WWOX: variants seen among roughly 807,000 people sequenced by gnomAD.
The protein encoded by WWOX is WW domain containing oxidoreductase.
In WWOX, 69 loss-of-function variants were observed where a neutral mutation model predicts 46.2. The observed-to-expected ratio is 1.49, with a 90% CI of 1.23 to 1.82. WWOX has a LOEUF of 1.82. WWOX is among the 40% of genes most tolerant of loss of function. The pLI is 0.00. For synonymous variants in WWOX, 359 were observed against 202.6 expected (o/e 1.77, Z -6.56); for missense variants, 919 against 542.6 (o/e 1.69, Z -6.89).
At chr16:78,839,949 C>G (rs1444726823) in intron 8 of WWOX, among the ~76,000 whole-genome samples, 2 of 152,166 alleles carry the variant, frequency 1.3e-5, no homozygotes, top group Non-Finnish European at 2.9e-5. Context: ...ATATTATTAG[C>G]TAGTGACTTG....
chr16:78,668,157 G>A (rs570369112), intron 8 of WWOX, among the ~76,000 whole-genome samples: 2 of 152,272 alleles, frequency 1.3e-5, no homozygotes, highest in East Asian at 3.9e-4. Flanking sequence ...GCACATGCCT[G>A]TAATCCCAGC....
At chr16:78,764,694 A>T (rs1332321461) in intron 8 of WWOX, among the ~76,000 whole-genome samples, 1 of 150,246 alleles carries the variant, frequency 6.7e-6, no homozygotes, top group Admixed American at 6.7e-5. Flanking sequence ...CAGTTTCCTC[A>T]TCTGCAAAAT....
chr16:78,955,465 C>T (rs148506411), intron 8 of WWOX, among the ~76,000 whole-genome samples: 1,587 of 152,192 alleles, frequency 0.01, 12 homozygotes, highest in Middle Eastern at 0.017. Context: ...TTTACTGGAG[C>T]ATGTGAGGGT....
chr16:78,908,231 G>T (rs1004451963), intron 8 of WWOX, among the ~76,000 whole-genome samples: 2 of 152,034 alleles, frequency 1.3e-5, no homozygotes, highest in Non-Finnish European at 2.9e-5. Flanking sequence ...ATCAAGACAG[G>T]GGGATTGCCA....
chr16:78,944,858 A>C lies in WWOX; in HGVS notation c.1057-266750A>C, dbSNP rs147607027. Among the ~76,000 whole-genome samples, 956 of 152,222 alleles carry C rather than the reference A, an allele frequency of 6.3e-3. 7 individuals carry two copies. Among genetic ancestry groups the C allele is most frequent in the Non-Finnish European group, 8.8e-3 (598 of 68,010 alleles). ...CCCTGGTAATTCACCTGGGTCCAGA[A>C]CACAGAAGGGAGATTCTAATTGAAA... On this transcript the variant is annotated intron_variant, in intron 8 of 8. Transcript: ENST00000566780.
intron 8 of WWOX, among the ~76,000 whole-genome samples, chr16:78,785,561 A>G (rs924332173): frequency 7.4e-5 from 11 of 147,696 alleles, no homozygotes; most frequent in African/African-American, 3.0e-4. Context: ...TACAAATAAG[A>G]AGAAGAATAG....
At chr16:78,109,862 C>T in intron 3 of WWOX, 27 bp downstream of exon 3, 1 of 1,613,796 alleles carries the variant, frequency 6.2e-7, no homozygotes, top group Non-Finnish European at 8.5e-7. Flanking sequence ...AAACCACTCT[C>T]AGCTGTTTTG....
At chr16:79,073,489 T>C (rs1018194708) in intron 8 of WWOX, among the ~76,000 whole-genome samples, 1 of 152,132 alleles carries the variant, frequency 6.6e-6, no homozygotes, top group Non-Finnish European at 1.5e-5. Context: ...TTTGTTATTA[T>C]AGAGTTATAT....
chr16:78,327,250 A>T (rs896786329), intron 5 of WWOX, among the ~76,000 whole-genome samples: 4 of 152,200 alleles, frequency 2.6e-5, no homozygotes, highest in African/African-American at 9.6e-5. Flanking sequence ...ATCGGGAAAG[A>T]AATCACTCTG....
intron 8 of WWOX, among the ~76,000 whole-genome samples, chr16:78,689,634 G>C (rs1424474333): frequency 1.3e-5 from 2 of 152,028 alleles, no homozygotes; most frequent in Non-Finnish European, 2.9e-5. Flanking sequence ...GGTTAAGTTG[G>C]AATACTCCTA....
chr16:79,126,543 C>T (rs1007983971), intron 8 of WWOX, among the ~76,000 whole-genome samples: 1 of 152,130 alleles, frequency 6.6e-6, no homozygotes, highest in African/African-American at 2.4e-5. Flanking sequence ...CTTGCTTCCC[C>T]TTCGTCTTCT....
rs1004657671 is a variant in WWOX, at chr16:78,349,022, C to G, written c.517-37838C>G. ...CTCAGGCTGCCATAACAAAATACCA[C>G]AGGCTGGATAACTTGAACAACAAAA... On this transcript the variant is annotated intron_variant, in intron 5 of 8. Coordinates refer to ENST00000566780, the MANE Select transcript of WWOX (RefSeq NM_016373.4). Among the ~76,000 whole-genome samples the G allele has an allele frequency of 1.6e-4, 19 of 120,038 alleles. 4 individuals carry two copies. The highest frequency in any genetic ancestry group is 9.7e-4 in the East Asian group (5 of 5,152). 78.7% of individuals were successfully genotyped at this position (120,038 alleles called of 152,430 possible).
chr16:78,372,574 C>T (rs1242693988), intron 5 of WWOX, among the ~76,000 whole-genome samples: 1 of 152,164 alleles, frequency 6.6e-6, no homozygotes, highest in Admixed American at 6.5e-5. Context: ...TGTCCATTAT[C>T]CTCCATGGTC....
intron 8 of WWOX, among the ~76,000 whole-genome samples, chr16:79,035,163 T>G (rs2047841202): frequency 6.6e-6 from 1 of 152,214 alleles, no homozygotes; most frequent in Non-Finnish European, 1.5e-5. Context: ...AGTATTTTCA[T>G]TTTTGCATGT....
chr16:78,382,345 T>C (rs1461243210), intron 5 of WWOX, among the ~76,000 whole-genome samples: 1 of 152,202 alleles, frequency 6.6e-6, no homozygotes, highest in Non-Finnish European at 1.5e-5. Flanking sequence ...CACATTGCCT[T>C]CCACATGCCG....
chr16:78,234,456 GCCATGTTTTTGTA>G (rs1567446173), intron 5 of WWOX, among the ~76,000 whole-genome samples: 9 of 152,080 alleles, frequency 5.9e-5, no homozygotes, highest in Non-Finnish European at 1.3e-4. Context: ...GGCTAAAGTG[GCCATGTTTTTGTA>G]CGTCTCTGCA....
chr16:78,239,265 C>G (rs56184195), intron 5 of WWOX, among the ~76,000 whole-genome samples: 19,981 of 152,194 alleles, frequency 0.13, 1,456 homozygotes, highest in African/African-American at 0.15. Context: ...TTGACCAGCT[C>G]TTGATGGACA....
At chr16:78,344,288 G>C (rs1279611806) in intron 5 of WWOX, among the ~76,000 whole-genome samples, 1 of 120,584 alleles carries the variant, frequency 8.3e-6, no homozygotes, top group South Asian at 2.5e-4. Context: ...GGTCTGGTAA[G>C]TGATAGCACC....
chr16:78,702,015 A>G lies in WWOX; in HGVS notation c.1056+269263A>G, dbSNP rs1481133339. Among the ~76,000 whole-genome samples the G allele has an allele frequency of 1.4e-4, 16 of 113,984 alleles. No homozygotes were observed. The South Asian group carries it at 3.0e-3, about 22-fold the overall frequency. 74.8% of individuals were successfully genotyped at this position (113,984 alleles called of 152,430 possible). ...GCCTGGGCTACATAAAATTATATAT[A>G]TATATATATATATATATATATATAT... On this transcript the variant is annotated intron_variant, in intron 8 of 8. Coordinates refer to ENST00000566780, the MANE Select transcript of WWOX (RefSeq NM_016373.4).
Sources: allele counts gnomAD v4.1 joint callset (sites outside exome capture counted in the v4.1 genomes callset), GRCh38; gene constraint gnomAD v4.1.1; transcripts MANE v1.5; gene names NCBI Gene and HGNC (gene_info 2026-07-23, HGNC 2026-07-21).